The following FGD1 variants were observed in gnomAD, a reference collection of about 807,000 sequenced individuals.
FGD1 encodes the protein FYVE, RhoGEF and PH domain-containing protein 1.
A neutral mutation model predicts 65.0 loss-of-function variants in FGD1; 12 were observed. The ratio of observed to expected loss-of-function variants is 0.18; its 90% CI spans 0.12 to 0.30. The LOEUF (loss-of-function observed/expected upper bound fraction) is 0.30, where lower values mean the gene tolerates loss of function less well. Ranked by LOEUF, FGD1 falls within the 10% of genes least tolerant of loss-of-function variation. The pLI, the probability that FGD1 is intolerant of heterozygous loss-of-function variation, is 1.00. For missense variants in FGD1, 542 were observed against 837.6 expected (o/e 0.65, Z 4.36); for synonymous variants, 333 against 343.9 (o/e 0.97, Z 0.35).
intron 8 of FGD1, among the ~76,000 whole-genome samples, chrX:54,461,600 C>CAAAAAAAA (rs1165040158): frequency 3.3e-4 from 6 of 18,041 alleles, no homozygotes; most frequent in East Asian, 2.2e-3. Context: ...GACTCTGTCT[C>CAAAAAAAA]AAAAAAAAAA....
Position 54,456,331 on chromosome X carries a change from C to G in FGD1, c.1731G>C (p.Leu577=). ...RMHKLLKVYE[L]LGGEEDIVSP... ...TGACAATGTCCTCCTCGCCCCCTAA[C>G]AGCTCATATACCTTCAGCAGCTTAT... The change falls in exon 10 of 18, where the codon CTG becomes CTC. Residue 577 remains leucine, a synonymous_variant. Transcript: ENST00000375135. 8.3e-7 allele frequency: 1 copy of G among 1,211,635 alleles called. No individual in the cohort carries two copies. Among genetic ancestry groups the G allele is most frequent in the Non-Finnish European group, 1.1e-6 (1 of 895,467 alleles).
At chrX:54,455,970 G>A (rs1461628084) in intron 10 of FGD1, among the ~76,000 whole-genome samples, 186 bp from the exon 11 acceptor site, 1 of 112,126 alleles carries the variant, frequency 8.9e-6, no homozygotes, top group African/African-American at 3.2e-5. Flanking sequence ...GGGGAACCTC[G>A]GGCAAGTCAC....
At chrX:54,495,066 C>T (rs1923497605) in intron 1 of FGD1, 60 bp downstream of exon 1, 1 of 1,121,942 alleles carries the variant, frequency 8.9e-7, no homozygotes, top group Admixed American at 2.6e-5. Flanking sequence ...AGAACAAGAA[C>T]CCGCTCCCAG....
chrX:54,464,164 G>T (rs1217224656), intron 8 of FGD1, among the ~76,000 whole-genome samples: 6 of 85,940 alleles, frequency 7.0e-5, no homozygotes. Context: ...AAGGAGTCTC[G>T]CTCTGTTGCC....
intron 8 of FGD1, among the ~76,000 whole-genome samples, chrX:54,464,694 G>A (rs899767385): frequency 9.0e-6 from 1 of 110,985 alleles, no homozygotes; most frequent in Non-Finnish European, 1.9e-5. Flanking sequence ...TGGAGGAATC[G>A]GGATAGAAGA....
intron 1 of FGD1, among the ~76,000 whole-genome samples, chrX:54,486,721 G>A (rs1487996496): frequency 9.5e-6 from 1 of 105,485 alleles, no homozygotes; most frequent in Non-Finnish European, 2.0e-5. Context: ...TGGCATGGTG[G>A]CTCATGCTTG....
intron 1 of FGD1, among the ~76,000 whole-genome samples, chrX:54,490,262 T>C (rs958386175): frequency 9.0e-6 from 1 of 111,158 alleles, no homozygotes; most frequent in African/African-American, 3.3e-5. Flanking sequence ...GGTGAAATAA[T>C]CTGTATACCA....
intron 2 of FGD1, among the ~76,000 whole-genome samples, 154 bp from the exon 3 acceptor site, chrX:54,470,914 C>T (rs778574006): frequency 1.9e-5 from 2 of 107,396 alleles, no homozygotes; most frequent in Admixed American, 2.0e-4. Context: ...GAGGCTGAGG[C>T]AGGATAATTG....
chrX:54,460,525 G>A lies in FGD1; in HGVS notation c.1637-3958C>T, dbSNP rs778518938. ...TGGGAGGGCGAGGCGGGTGGATCAC[G>A]AGGTCAAGAGATTGAGACCATCCTG... On this transcript the variant is annotated intron_variant, in intron 8 of 17. Coordinates refer to ENST00000375135, the MANE Select transcript of FGD1 (RefSeq NM_004463.3). 3.5e-3 allele frequency among the ~76,000 whole-genome samples: 394 copies of A among 112,067 alleles called. 2 individuals carry two copies. Among genetic ancestry groups the A allele is most frequent in the African/African-American group, 0.012 (376 of 30,918 alleles).
intron 8 of FGD1, among the ~76,000 whole-genome samples, chrX:54,459,055 T>G (rs1922572365): frequency 9.0e-6 from 1 of 111,120 alleles, no homozygotes; most frequent in Non-Finnish European, 1.9e-5. Flanking sequence ...CCTTTTCTCC[T>G]ACACATCCTA....
chrX:54,492,747 A>G (rs1172322037), intron 1 of FGD1, among the ~76,000 whole-genome samples: 1 of 111,252 alleles, frequency 9.0e-6, no homozygotes, highest in East Asian at 2.8e-4. Flanking sequence ...ACCATGCTGC[A>G]GGCTTTACAA....
chrX:54,482,220 GCGCGCGCACA>G (rs1203020776), intron 1 of FGD1, among the ~76,000 whole-genome samples: 1 of 79,902 alleles, frequency 1.3e-5, no homozygotes, highest in Non-Finnish European at 2.1e-5. Flanking sequence ...CCAGGCACAT[GCGCGCGCACA>G]CGCGCGCACA....
chrX:54,475,359 A>T (rs1922993338), intron 1 of FGD1, among the ~76,000 whole-genome samples: 1 of 111,702 alleles, frequency 9.0e-6, no homozygotes, highest in Non-Finnish European at 1.9e-5. Context: ...CTTTCTTATT[A>T]ACCCTGCTCT....
chrX:54,446,073 G>A lies in FGD1; in HGVS notation c.*36C>T, dbSNP rs2230265. On this transcript the variant is annotated 3_prime_UTR_variant, in exon 18 of 18. Coordinates refer to ENST00000375135, the MANE Select transcript of FGD1 (RefSeq NM_004463.3). ...CCCCAATCAGACATGGGCAACTAGAGTGTGGGGTGGGGGCTCCCAGTTTGT... is the reference window on the plus strand; with the variant it reads ...CCCCAATCAGACATGGGCAACTAGAATGTGGGGTGGGGGCTCCCAGTTTGT... 108,783 of 1,118,043 alleles carry A rather than the reference G, an allele frequency of 0.097. 6,565 individuals are homozygous for A. Among genetic ancestry groups the A allele is most frequent in the East Asian group, 0.5 (16,648 of 32,969 alleles). The allele number at this position is 1,118,043 out of a possible 1,213,427, so 92.1% of individuals were successfully genotyped here.
In FGD1 at chrX:54,495,478, C is replaced by G; in HGVS notation, c.-46G>C. ...GCCCGAGCTCCCCGCTTGGCTCCAG[C>G]TCCTGGGGCGGAGGCGCGGGCGGAG... On this transcript the variant is annotated 5_prime_UTR_variant, in exon 1 of 18. Transcript: ENST00000375135. The G allele has an allele frequency of 1.1e-6, 1 of 894,188 alleles. No individual in the cohort carries two copies. Among genetic ancestry groups the G allele is most frequent in the Non-Finnish European group, 1.4e-6 (1 of 717,877 alleles). The allele number at this position is 894,188 out of a possible 1,213,427, so 73.7% of individuals were successfully genotyped here.
intron 6 of FGD1, 131 bp downstream of exon 6, chrX:54,467,653 G>T: frequency 1.3e-6 from 1 of 748,369 alleles, no homozygotes; most frequent in Non-Finnish European, 2.0e-6. Flanking sequence ...ACCGTGCCCG[G>T]CTCTGATTCC....
At chrX:54,465,661 TC>T (rs1450815235) in intron 7 of FGD1, 34 bp downstream of exon 7, 3 of 1,210,656 alleles carry the variant, frequency 2.5e-6, no homozygotes, top group Non-Finnish European at 3.4e-6. Context: ...AGACCTCTCC[TC>T]CCCAAGTCTG....
chrX:54,488,301 A>C (rs1923333439), intron 1 of FGD1, among the ~76,000 whole-genome samples: 1 of 87,651 alleles, frequency 1.1e-5, no homozygotes, highest in African/African-American at 5.2e-5. Context: ...AAAAAAAAAA[A>C]AAGGCCAGGT....
At chrX:54,460,735 C>T (rs1476643791) in intron 8 of FGD1, among the ~76,000 whole-genome samples, 4 of 110,596 alleles carry the variant, frequency 3.6e-5, no homozygotes, top group Non-Finnish European at 5.7e-5. Flanking sequence ...AGTGAGACTA[C>T]GTCTCAAAAA....
Sources: gnomAD v4.1 joint callset for allele counts (sites outside exome capture counted in the v4.1 genomes callset) on GRCh38, gnomAD v4.1.1 for gene constraint, MANE v1.5 for transcripts, NCBI Gene and HGNC (gene_info 2026-07-23, HGNC 2026-07-21) for gene names.